Variants in GRIK2 observed in about 807,000 individuals in gnomAD.
GRIK2 encodes glutamate ionotropic receptor kainate type subunit 2.
A neutral mutation model predicts 100.3 loss-of-function variants in GRIK2; 32 were observed. The ratio of observed to expected loss-of-function variants is 0.32; its 90% confidence interval spans 0.24 to 0.43. The LOEUF (loss-of-function observed/expected upper bound fraction) is 0.43. GRIK2 is among the 20% of genes least tolerant of loss of function. The pLI is 1.00. For synonymous variants in GRIK2, 417 were observed against 389.4 expected, an observed-to-expected ratio of 1.07 and a Z score of -0.83; for missense variants, 843 against 1,114.9, an observed-to-expected ratio of 0.76 and a Z score of 3.47.
At chr6:101,561,643 A>C (rs1777019725) in intron 2 of GRIK2, among the ~76,000 whole-genome samples, 1 of 152,068 alleles carries the variant, frequency 6.6e-6, no homozygotes, top group African/African-American at 2.4e-5. Flanking sequence ...TATATCAATA[A>C]AAATACAGAA....
chr6:101,993,587 C>A (rs1261338235), intron 14 of GRIK2: 1 of 150,712 alleles, frequency 6.6e-6, no homozygotes, highest in African/African-American at 2.4e-5. Flanking sequence ...ATATCTGTAA[C>A]AATATAGTAC....
At chr6:101,803,103 TTA>T (rs899867399) in intron 9 of GRIK2, among the ~76,000 whole-genome samples, 7 of 152,018 alleles carry the variant, frequency 4.6e-5, no homozygotes, top group South Asian at 2.1e-4. Flanking sequence ...TTAAATCTTT[TTA>T]TATGTTATTT....
intron 2 of GRIK2, among the ~76,000 whole-genome samples, chr6:101,552,349 A>C (rs1335156544): frequency 2.0e-5 from 3 of 152,066 alleles, no homozygotes; most frequent in Non-Finnish European, 2.9e-5. Context: ...GCAGTCCTAA[A>C]CTTTAACCCA....
intron 12 of GRIK2, among the ~76,000 whole-genome samples, chr6:101,890,699 T>G (rs1212260153): frequency 6.6e-6 from 1 of 152,110 alleles, no homozygotes. Flanking sequence ...CTCGGAGGTG[T>G]AAATTTATAA....
At chr6:101,571,365 A>G (rs1310271244) in intron 2 of GRIK2, among the ~76,000 whole-genome samples, 1 of 152,174 alleles carries the variant, frequency 6.6e-6, no homozygotes, top group Non-Finnish European at 1.5e-5. Context: ...ACATAAAAAA[A>G]GATTGGTCAT....
At chr6:101,670,251 G>A (rs1770331089) in intron 4 of GRIK2, among the ~76,000 whole-genome samples, 1 of 151,984 alleles carries the variant, frequency 6.6e-6, no homozygotes, top group African/African-American at 2.4e-5. Context: ...TAGTGGATGT[G>A]CAAAAAATAT....
At chr6:101,513,055 A>T (rs1056002354) in intron 2 of GRIK2, among the ~76,000 whole-genome samples, 7 of 152,050 alleles carry the variant, frequency 4.6e-5, no homozygotes, top group Admixed American at 3.9e-4. Flanking sequence ...TAAGCCAAAT[A>T]TGAGTGACCA....
At chr6:101,429,860 A>C (rs1226840302) in intron 2 of GRIK2, among the ~76,000 whole-genome samples, 1 of 152,168 alleles carries the variant, frequency 6.6e-6, no homozygotes, top group African/African-American at 2.4e-5. Context: ...AGGATGAATA[A>C]ATTTACAGGT....
At chr6:101,427,227 A>G (rs1419766013) in intron 2 of GRIK2, among the ~76,000 whole-genome samples, 1 of 152,150 alleles carries the variant, frequency 6.6e-6, no homozygotes, top group East Asian at 1.9e-4. Context: ...CCAGGTGCCT[A>G]CTTCTTGACA....
chr6:101,792,301 C>T (rs1397950556), intron 7 of GRIK2, among the ~76,000 whole-genome samples: 1 of 151,946 alleles, frequency 6.6e-6, no homozygotes, highest in African/African-American at 2.4e-5. Context: ...TCTTCCTAGT[C>T]TCGATGGTCT....
In GRIK2 at chr6:101,393,841, A is replaced by AGGACTCCCCGGCTGTGGGCT. The variant is rs1278705569; in HGVS notation, c.-294+6_-294+25dup. ...CCCACCTCACCCCTAGCTCCAGGTA[A>AGGACTCCCCGGCTGTGGGCT]GGACTCCCCGGCTGTGGGCTGCACT... On this transcript the variant is annotated splice_donor_region_variant and intron_variant, in intron 1 of 16. Transcript: ENST00000369134. Among the ~76,000 whole-genome samples the AGGACTCCCCGGCTGTGGGCT allele has an allele frequency of 3.3e-5, 5 of 151,938 alleles. No homozygotes were observed. Among genetic ancestry groups the AGGACTCCCCGGCTGTGGGCT allele is most frequent in the African/African-American group, 1.2e-4 (5 of 41,424 alleles).
intron 13 of GRIK2, among the ~76,000 whole-genome samples, chr6:101,926,573 A>T (rs1393438024): frequency 6.6e-6 from 1 of 152,192 alleles, no homozygotes; most frequent in Non-Finnish European, 1.5e-5. Flanking sequence ...AATTAGAGGT[A>T]AAACTCTATG....
chr6:101,621,885 T>A (rs1349178991), intron 2 of GRIK2, 64 bp from the exon 3 acceptor site: 1 of 1,140,648 alleles, frequency 8.8e-7, no homozygotes, highest in Non-Finnish European at 1.3e-6. Context: ...TGATATTTTC[T>A]TTATCTTGTG....
intron 12 of GRIK2, among the ~76,000 whole-genome samples, chr6:101,911,917 A>C (rs1173875981): frequency 6.6e-6 from 1 of 151,470 alleles, no homozygotes; most frequent in Non-Finnish European, 1.5e-5. Context: ...TGTCCTGCTT[A>C]AGTAATTACC....
intron 2 of GRIK2, among the ~76,000 whole-genome samples, chr6:101,557,651 T>C (rs570731720): frequency 2.0e-5 from 3 of 152,314 alleles, no homozygotes; most frequent in East Asian, 1.9e-4. Flanking sequence ...TACGCACCCC[T>C]TATTCACAGA....
At chr6:101,422,066 G>C (rs934232934) in intron 2 of GRIK2, among the ~76,000 whole-genome samples, 3 of 152,038 alleles carry the variant, frequency 2.0e-5, no homozygotes, top group Non-Finnish European at 4.4e-5. Flanking sequence ...CTCTTATTCT[G>C]GCCTTGTTAT....
chr6:101,596,637 C>T (rs183107608), intron 2 of GRIK2, among the ~76,000 whole-genome samples: 1 of 151,520 alleles, frequency 6.6e-6, no homozygotes. Flanking sequence ...ATTAGTAGCA[C>T]CTCATTTACT....
At chr6:101,584,679 A>T (rs1778267349) in intron 2 of GRIK2, among the ~76,000 whole-genome samples, 1 of 152,026 alleles carries the variant, frequency 6.6e-6, no homozygotes, top group South Asian at 2.1e-4. Flanking sequence ...TCTTTAGAGA[A>T]TATAACAGAT....
chr6:101,786,517 T>C (rs1158459305), intron 7 of GRIK2, among the ~76,000 whole-genome samples: 1 of 152,140 alleles, frequency 6.6e-6, no homozygotes. Context: ...ATGTTGAATT[T>C]TATCAAATGT....
Sources: gnomAD v4.1 joint callset for allele counts (sites outside exome capture counted in the v4.1 genomes callset) on GRCh38, gnomAD v4.1.1 for gene constraint, MANE v1.5 for transcripts, NCBI Gene and HGNC (gene_info 2026-07-23, HGNC 2026-07-21) for gene names.